KIF4A: variants seen among roughly 807,000 people sequenced by gnomAD.
The protein encoded by KIF4A is chromosome-associated kinesin KIF4A.
Under a neutral mutation model 105.9 loss-of-function variants are expected in KIF4A, and 7 were observed. The observed-to-expected ratio is 0.07, with a 90% CI of 0.04 to 0.12. The LOEUF (loss-of-function observed/expected upper bound fraction) is 0.12, where lower values mean the gene tolerates loss of function less well. KIF4A is among the 10% of genes least tolerant of loss of function. The pLI, the probability that KIF4A is intolerant of heterozygous loss-of-function variation, is 1.00. For synonymous variants in KIF4A, 281 were observed against 331.3 expected (o/e 0.85, Z 1.65); for missense variants, 558 against 929.2 (o/e 0.60, Z 5.19).
intron 10 of KIF4A, among the ~76,000 whole-genome samples, chrX:70,334,962 A>G (rs1386842529): frequency 8.9e-6 from 1 of 112,023 alleles, no homozygotes; most frequent in Non-Finnish European, 1.9e-5. Flanking sequence ...AAAATGATGT[A>G]ACTACTGTGG....
At chrX:70,366,451 C>G in intron 15 of KIF4A, among the ~76,000 whole-genome samples, 1 of 111,934 alleles carries the variant, frequency 8.9e-6, no homozygotes. Flanking sequence ...TATGTTGTGT[C>G]TTTGTTCTCA....
chrX:70,419,938 C>T (rs1348565685), intron 30 of KIF4A, 124 bp from the exon 31 acceptor site: 1 of 1,004,097 alleles, frequency 1.0e-6, no homozygotes, highest in East Asian at 3.1e-5. Flanking sequence ...TGGTTTTTTC[C>T]ATAGAATGAT....
intron 15 of KIF4A, among the ~76,000 whole-genome samples, chrX:70,366,421 A>C (rs2086103738): frequency 8.9e-6 from 1 of 111,771 alleles, no homozygotes. Context: ...ACTGCTTTGA[A>C]TGTGTCCCAG....
chrX:70,391,955 C>CTT (rs34793051), intron 20 of KIF4A, among the ~76,000 whole-genome samples: 8 of 109,397 alleles, frequency 7.3e-5, no homozygotes, highest in Non-Finnish European at 1.1e-4. Context: ...TGATTTTGTT[C>CTT]TTTTTTTTAT....
intron 9 of KIF4A, among the ~76,000 whole-genome samples, chrX:70,331,536 TA>T (rs200469624): frequency 0.056 from 6,123 of 108,721 alleles, 151 homozygotes; most frequent in South Asian, 0.15. Flanking sequence ...ACTTTATTGC[TA>T]AAAAAAAATG....
chrX:70,384,989 G>A (rs2086212579), intron 18 of KIF4A, among the ~76,000 whole-genome samples: 1 of 109,530 alleles, frequency 9.1e-6, no homozygotes, highest in African/African-American at 3.3e-5. Context: ...TTTTAGTAGA[G>A]ACAGAGTTTC....
intron 20 of KIF4A, among the ~76,000 whole-genome samples, chrX:70,387,549 C>T (rs764036411): frequency 4.5e-5 from 5 of 111,591 alleles, no homozygotes; most frequent in African/African-American, 1.3e-4. Context: ...GTAGAATTGA[C>T]ATATTATAAA....
intron 20 of KIF4A, among the ~76,000 whole-genome samples, chrX:70,387,766 G>C (rs2086223248): frequency 1.8e-5 from 2 of 111,530 alleles, no homozygotes; most frequent in Non-Finnish European, 3.8e-5. Context: ...TACTTGGGAG[G>C]CTGAGGGAGG....
At chrX:70,419,605 T>G in intron 29 of KIF4A, 56 bp from the exon 30 acceptor site, 1 of 1,197,777 alleles carries the variant, frequency 8.3e-7, no homozygotes, top group Non-Finnish European at 1.1e-6. Flanking sequence ...GGGAGCAGAC[T>G]GATTTTGTAA....
chrX:70,311,982 T>C (rs1344893230), intron 7 of KIF4A, among the ~76,000 whole-genome samples: 1 of 106,992 alleles, frequency 9.3e-6, no homozygotes, highest in Non-Finnish European at 1.9e-5. Context: ...AAAATATATA[T>C]ATACACCTAA....
chrX:70,407,214 T>G, intron 28 of KIF4A, 139 bp downstream of exon 28: 1 of 652,865 alleles, frequency 1.5e-6, no homozygotes, highest in Non-Finnish European at 2.3e-6. Context: ...TTCAAGTAAT[T>G]CTCGTGTCTC....
chrX:70,346,153 A>C (rs1036168820), intron 13 of KIF4A, among the ~76,000 whole-genome samples: 6 of 112,112 alleles, frequency 5.4e-5, no homozygotes, highest in Non-Finnish European at 9.4e-5. Context: ...GATATAGATA[A>C]AAGCAAAGAG....
intron 28 of KIF4A, among the ~76,000 whole-genome samples, chrX:70,409,239 G>A (rs1444504655): frequency 9.0e-6 from 1 of 111,677 alleles, no homozygotes; most frequent in Admixed American, 9.6e-5. Flanking sequence ...CTATTGCTGC[G>A]TTGTAAGACA....
intron 7 of KIF4A, among the ~76,000 whole-genome samples, chrX:70,325,539 A>G (rs1427810175): frequency 9.0e-6 from 1 of 111,285 alleles, no homozygotes; most frequent in Non-Finnish European, 1.9e-5. Flanking sequence ...CGGCCCCCCA[A>G]AGTGCTGGCA....
intron 7 of KIF4A, among the ~76,000 whole-genome samples, chrX:70,327,969 T>C (rs2085916718): frequency 9.0e-6 from 1 of 111,645 alleles, no homozygotes; most frequent in East Asian, 2.8e-4. Context: ...GCTGATCTAC[T>C]GACAGTATTA....
chrX:70,339,337 G>A (rs2085963730), intron 10 of KIF4A, among the ~76,000 whole-genome samples: 1 of 111,394 alleles, frequency 9.0e-6, no homozygotes, highest in Admixed American at 9.5e-5. Context: ...ACCCAGAGAT[G>A]ACTACCTCTT....
chrX:70,343,395 C>T (rs1373506545), intron 11 of KIF4A, among the ~76,000 whole-genome samples: 2 of 109,201 alleles, frequency 1.8e-5, no homozygotes, highest in Non-Finnish European at 1.9e-5. Flanking sequence ...ATTGCTTTTT[C>T]CCCTCAGTTG....
intron 19 of KIF4A, 65 bp downstream of exon 19, chrX:70,386,766 A>G: frequency 1.2e-6 from 1 of 830,758 alleles, no homozygotes; most frequent in Non-Finnish European, 1.8e-6. Context: ...CTTGCAAAGT[A>G]ATATCCTTTA....
In KIF4A at chrX:70,343,756, T is replaced by C; in HGVS notation, c.1320T>C (p.His440=). 8.3e-7 allele frequency: 1 copy of C among 1,211,269 alleles called. No individual in the cohort carries two copies. The highest frequency in any genetic ancestry group is 1.1e-6 in the Non-Finnish European group (1 of 895,005). ...MNAKLEELRQ[H]AACKLDLQKL... is the part of the protein sequence containing the mutation. ...CCAAGCTAGAAGAGCTCAGGCAGCA[T>C]GCGGCGTAAGTTGCCCACCAGATAT... is the stretch of plus-strand genomic sequence containing the variant. Residue 440 remains histidine, a synonymous_variant, in exon 12 of 31, where the codon CAT becomes CAC. Coordinates refer to ENST00000374403, the MANE Select transcript of KIF4A (RefSeq NM_012310.5).
Sources: allele counts gnomAD v4.1 joint callset (sites outside exome capture counted in the v4.1 genomes callset), GRCh38; gene constraint gnomAD v4.1.1; transcripts MANE v1.5; gene names NCBI Gene and HGNC (gene_info 2026-07-23, HGNC 2026-07-21).